ACAN: variants seen among roughly 807,000 people sequenced by gnomAD.
ACAN encodes the protein aggrecan, also known as aggrecan core protein.
A neutral mutation model predicts 169.1 loss-of-function variants in ACAN; 47 were observed. The observed-to-expected ratio is 0.28, with a 90% CI of 0.22 to 0.35. The LOEUF is 0.35. ACAN is among the 10% of genes least tolerant of loss of function. The pLI is 1.00. For synonymous variants in ACAN, 1,115 were observed against 1,112.2 expected, an observed-to-expected ratio of 1.00 and a Z score of -0.05; for missense variants, 2,716 against 2,759.9, an observed-to-expected ratio of 0.98 and a Z score of 0.36.
rs576008923 is a variant in ACAN, at chr15:88,866,977, G to A, written c.6947-1239G>A. 2.0e-5 allele frequency among the ~76,000 whole-genome samples: 3 copies of A among 152,256 alleles called. No homozygotes were observed. The highest frequency in any genetic ancestry group is 6.5e-5 in the Admixed American group (1 of 15,294). On this transcript the variant is annotated intron_variant, in intron 13 of 18. Coordinates refer to ENST00000560601, the MANE Select transcript of ACAN (RefSeq NM_001369268.1). The surrounding 1 kb of genome is among the most constrained non-coding windows in gnomAD (Gnocchi z 5.6). ...TCAGTATCTTCAAACCAATGTCATG[G>A]TGCCCCATAGCCAGTGGAACCCACT...
chr15:88,859,602 C>T (rs1897150742), intron 12 of ACAN, among the ~76,000 whole-genome samples, 185 bp downstream of exon 12: 1 of 152,218 alleles, frequency 6.6e-6, no homozygotes. Context: ...TAGGATAATA[C>T]TCTACCAGGG....
At chr15:88,818,730 G>A (rs59579856) in intron 1 of ACAN, among the ~76,000 whole-genome samples, 2,092 of 152,232 alleles carry the variant, frequency 0.014, 57 homozygotes, top group African/African-American at 0.047. Flanking sequence ...GATTTTCAAG[G>A]GGAATTTTGA....
intron 7 of ACAN, among the ~76,000 whole-genome samples, 179 bp from the exon 8 acceptor site, chr15:88,847,064 G>A (rs1014613498): frequency 1.3e-5 from 2 of 152,252 alleles, no homozygotes; most frequent in Non-Finnish European, 2.9e-5. Flanking sequence ...GGGAGGGGCA[G>A]ATGGACGCTG....
chr15:88,812,154 TC>T (rs1895837372), intron 1 of ACAN, among the ~76,000 whole-genome samples: 1 of 152,006 alleles, frequency 6.6e-6, no homozygotes, highest in South Asian at 2.1e-4. Flanking sequence ...TGCAGCCCCA[TC>T]TAGGCCCTCC....
At chr15:88,840,583 G>A (rs184527641) in intron 4 of ACAN, among the ~76,000 whole-genome samples, 34 of 152,198 alleles carry the variant, frequency 2.2e-4, no homozygotes, top group African/African-American at 6.7e-4. Flanking sequence ...TTCCCTGAGC[G>A]TAGTTGCTGA....
chr15:88,825,486 G>A (rs1174447921), intron 1 of ACAN, among the ~76,000 whole-genome samples: 2 of 152,118 alleles, frequency 1.3e-5, no homozygotes, highest in Non-Finnish European at 2.9e-5. Flanking sequence ...ATGAGTCAAA[G>A]GTATGAATTC....
intron 1 of ACAN, among the ~76,000 whole-genome samples, chr15:88,832,169 A>G (rs1353159008): frequency 6.6e-6 from 1 of 152,158 alleles, no homozygotes; most frequent in Non-Finnish European, 1.5e-5. Context: ...CAGGGAGGTC[A>G]TTATTGTAAA....
At chr15:88,853,952 C>G (rs1896991415) in intron 11 of ACAN, among the ~76,000 whole-genome samples, 1 of 152,010 alleles carries the variant, frequency 6.6e-6, no homozygotes, top group East Asian at 1.9e-4. Context: ...GGACCCAGCA[C>G]CCTCAGTGCT....
chr15:88,818,992 GATA>G (rs1206870555), intron 1 of ACAN, among the ~76,000 whole-genome samples: 2 of 152,204 alleles, frequency 1.3e-5, no homozygotes, highest in Non-Finnish European at 2.9e-5. Context: ...TCCTAGTGAG[GATA>G]ATGTCTTTGG....
At chr15:88,829,513 T>C (rs978319452) in intron 1 of ACAN, among the ~76,000 whole-genome samples, 17 of 152,312 alleles carry the variant, frequency 1.1e-4, no homozygotes, top group African/African-American at 3.8e-4. Flanking sequence ...CTTTTCCCTA[T>C]GCTGGGTTTG....
rs148320028 is a variant in ACAN at position 88,838,675 on chromosome 15, C to T, written c.83C>T (p.Ser28Leu). 6 of 1,584,144 alleles carry T rather than the reference C, an allele frequency of 3.8e-6. No individual in the cohort carries two copies. Among genetic ancestry groups the T allele is most frequent in the East Asian group, 2.2e-5 (1 of 44,674 alleles). ...VTVETSDHDN[S>L]LSVSIPQPSP... ...CTCTCCCACACAGACCATGACAACT[C>T]GCTGAGTGTCAGCATCCCCCAACCG... is the stretch of plus-strand genomic sequence containing the variant. The change falls in exon 3 of 19, where the codon TCG becomes TTG. Residue 28 changes from serine to leucine, a missense_variant. Transcript: ENST00000560601. This position sits in a 1 kb window ranked among gnomAD's most constrained non-coding sequence, Gnocchi z 5.1.
At chr15:88,817,909 A>G (rs1028207249) in intron 1 of ACAN, among the ~76,000 whole-genome samples, 1 of 151,928 alleles carries the variant, frequency 6.6e-6, no homozygotes, top group East Asian at 1.9e-4. Context: ...AAATAAAAAT[A>G]TACTATAGAC....
chr15:88,821,415 C>T (rs1159300909), intron 1 of ACAN, among the ~76,000 whole-genome samples: 1 of 152,194 alleles, frequency 6.6e-6, no homozygotes, highest in Non-Finnish European at 1.5e-5. Flanking sequence ...TGGGCTCAAG[C>T]AATCCTCTGG....
Position 88,849,385 on chromosome 15 carries a change from G to A in ACAN, c.1733-53G>A. 1 of 1,487,714 alleles carries A rather than the reference G, an allele frequency of 6.7e-7. No individual in the cohort carries two copies. Among genetic ancestry groups the A allele is most frequent in the South Asian group, 1.3e-5 (1 of 74,494 alleles). The allele number at this position is 1,487,714 out of a possible 1,614,324, so 92.2% of individuals were successfully genotyped here. On this transcript the variant is annotated intron_variant, in intron 9 of 18. Coordinates refer to ENST00000560601, the MANE Select transcript of ACAN (RefSeq NM_001369268.1). The surrounding 1 kb of genome is among the most constrained non-coding windows in gnomAD (Gnocchi z 5.1). ...ACTCTGTCCTGGGTGGGCAGGGATG[G>A]ACCTGGCCTGAGTGTGGGGGGGTCA... is the stretch of plus-strand genomic sequence containing the variant.
rs974157684 is a variant in ACAN at position 88,874,397 on chromosome 15, C to T, written c.7631-8C>T. 2.5e-6 allele frequency: 4 copies of T among 1,597,444 alleles called. No individual in the cohort carries two copies. Among genetic ancestry groups the T allele is most frequent in the Non-Finnish European group, 3.4e-6 (4 of 1,172,186 alleles). On this transcript the variant is annotated splice_region_variant and splice_polypyrimidine_tract_variant and intron_variant, in intron 18 of 18. Transcript: ENST00000560601. This position sits in a 1 kb window ranked among gnomAD's most constrained non-coding sequence, Gnocchi z 7.3. ...CACTGATATCTTTCCATCTCCCTTT[C>T]GTCCTAGCCACCACCTACAAACGCA...
chr15:88,841,231 C>T (rs1469135446), intron 4 of ACAN, among the ~76,000 whole-genome samples: 1 of 152,178 alleles, frequency 6.6e-6, no homozygotes, highest in Non-Finnish European at 1.5e-5. Flanking sequence ...CCTCTGAGCC[C>T]CAGTTTCTTC....
intron 4 of ACAN, among the ~76,000 whole-genome samples, chr15:88,840,514 A>C (rs9920489): frequency 0.038 from 5,850 of 152,198 alleles, 369 homozygotes; most frequent in African/African-American, 0.13. Context: ...TTATAAACAA[A>C]CTTCCATCCT....
Position 88,862,109 on chromosome 15 carries a change from A to C in ACAN, c.6946+1670A>C, listed in dbSNP as rs1488436972. Among the ~76,000 whole-genome samples the C allele has an allele frequency of 4.1e-4, 63 of 152,216 alleles. 1 individual carries two copies. ...AATAAGAAACTCCCTCTTGAACATA[A>C]CAACCAGTTGCTGGTCTCAAAAAAC... On this transcript the variant is annotated intron_variant, in intron 13 of 18. Coordinates refer to ENST00000560601, the MANE Select transcript of ACAN (RefSeq NM_001369268.1).
Position 88,845,679 on chromosome 15 carries a change from C to G in ACAN, c.1226C>G (p.Pro409Arg), listed in dbSNP as rs200227191. Residue 409 changes from proline to arginine, a missense_variant, in exon 7 of 19, where the codon CCC (proline) becomes CGC (arginine). By Grantham distance (103) the Pro-to-Arg change is moderately radical (BLOSUM62 -2). Around this residue, in one of 3 missense-constraint regions of ACAN, gnomAD observed 1,283 missense variants for 1,281.5 expected, o/e 1.00. Transcript: ENST00000560601. ...GTAAAGCCCATCTTCGAGGTCTCCC[C>G]CAGTCCCCTGGAACCCGAGGAGCCC... The part of the protein sequence containing the change: ...LTVKPIFEVS[P>R]SPLEPEEPFT... 1 of 1,614,030 alleles carries G rather than the reference C, an allele frequency of 6.2e-7. No homozygotes were observed. Among genetic ancestry groups the G allele is most frequent in the South Asian group, 1.1e-5 (1 of 91,088 alleles).
Sources: gnomAD v4.1 joint callset for allele counts (sites outside exome capture counted in the v4.1 genomes callset) on GRCh38, gnomAD v4.1.1 for gene constraint, gnomAD v4.1.1 regional missense constraint, Gnocchi (gnomAD v3.1) non-coding constraint, MANE v1.5 for transcripts, NCBI Gene and HGNC (gene_info 2026-07-23, HGNC 2026-07-21) for gene names.